The following KLHDC8A variants were observed in gnomAD, a reference collection of about 807,000 sequenced individuals.
KLHDC8A encodes the protein kelch domain containing 8A, also known as kelch domain-containing protein 8A.
Under a neutral mutation model 33.1 loss-of-function variants are expected in KLHDC8A, and 21 were observed. The ratio of observed to expected loss-of-function variants is 0.64; its 90% CI spans 0.45 to 0.91. The LOEUF is 0.91. Ranked by LOEUF, KLHDC8A falls within the 40% of genes least tolerant of loss-of-function variation. The probability of loss-of-function intolerance (pLI) is 0.00; values close to 1 mark genes in which losing one functional copy is unlikely to be tolerated. For missense variants in KLHDC8A, 435 were observed against 483.3 expected, an observed-to-expected ratio of 0.90 and a Z score of 0.94; for synonymous variants, 173 against 193.5, an observed-to-expected ratio of 0.89 and a Z score of 0.88.
rs11240448 is a variant in KLHDC8A at position 205,350,829 on chromosome 1, A to G, written c.-190+5704T>C. Among the ~76,000 whole-genome samples, 23 of 38,020 alleles carry G rather than the reference A, an allele frequency of 6.0e-4. No individual in the cohort carries two copies. In the East Asian group the frequency reaches 0.021, roughly 35 times the overall value. 24.9% of individuals were successfully genotyped at this position (38,020 alleles called of 152,430 possible). The stretch of plus-strand genomic sequence containing the variant: ...TGTGTGCATGTGTGTGTGTGCATGC[A>G]TGTGTGTGCGCGCACGCATGTGTGT... On this transcript the variant is annotated intron_variant, in intron 1 of 5. Transcript: ENST00000367155.
rs1662839731 is a variant in KLHDC8A, at chr1:205,343,275, C to T, written c.330G>A (p.Arg110=). The T allele has an allele frequency of 6.2e-7, 1 of 1,609,746 alleles. No individual in the cohort carries two copies. The highest frequency in any genetic ancestry group is 8.5e-7 in the Non-Finnish European group (1 of 1,177,176). Residue 110 remains arginine, a synonymous_variant, in exon 2 of 6, where the codon AGG becomes AGA. Coordinates refer to ENST00000367155, the MANE Select transcript of KLHDC8A (RefSeq NM_018203.3). ...YNIDEGKWKK[R]SMLREAAMGI... is the part of the protein sequence containing the mutation. ...CCATGGCGGCCTCACGCAGCATGCT[C>T]CTCTTCTTCCACTTGCCCTCATCGA...
chr1:205,349,749 G>T (rs577876071), intron 1 of KLHDC8A, among the ~76,000 whole-genome samples: 1 of 152,308 alleles, frequency 6.6e-6, no homozygotes, highest in East Asian at 1.9e-4. Context: ...ATGAGGTGAG[G>T]TGAGAGGCCA....
At position 205,343,624 on chromosome 1, in the gene KLHDC8A, C is replaced by T; in HGVS notation, c.-20G>A. On this transcript the variant is annotated 5_prime_UTR_variant, in exon 2 of 6. Coordinates refer to ENST00000367155, the MANE Select transcript of KLHDC8A (RefSeq NM_018203.3). Reference sequence around the variant, plus strand: ...CTCCATGGCAGCCTTGGGGAGCGCCCGGGCGCCGGGAGAGGTGCGAGCGCG... The same window carrying T: ...CTCCATGGCAGCCTTGGGGAGCGCCTGGGCGCCGGGAGAGGTGCGAGCGCG... 1 of 1,546,214 alleles carries T rather than the reference C, an allele frequency of 6.5e-7. No homozygotes were observed. The highest frequency in any genetic ancestry group is 8.7e-7 in the Non-Finnish European group (1 of 1,144,408).
Position 205,355,968 on chromosome 1 carries a change from C to T in KLHDC8A, c.-190+565G>A, listed in dbSNP as rs771766282. ...TTAATTTTAGACCCAGGGGCATGTG[C>T]GCAGGTTTGTCACAAGGGTGTATTT... On this transcript the variant is annotated intron_variant, in intron 1 of 5. Coordinates refer to ENST00000367155, the MANE Select transcript of KLHDC8A (RefSeq NM_018203.3). Among the ~76,000 whole-genome samples, 28 of 152,282 alleles carry T rather than the reference C, an allele frequency of 1.8e-4. 1 individual carries two copies. In the Middle Eastern group the frequency reaches 0.01, roughly 55 times the overall value.
At chr1:205,350,820 T>C (rs1318351949) in intron 1 of KLHDC8A, among the ~76,000 whole-genome samples, 1 of 151,948 alleles carries the variant, frequency 6.6e-6, no homozygotes, top group Non-Finnish European at 1.5e-5. Context: ...CATGTGTGTG[T>C]GTGCATGCAT....
chr1:205,338,426 T>G (rs147771161), intron 5 of KLHDC8A, 69 bp downstream of exon 5: 1 of 1,263,094 alleles, frequency 7.9e-7, no homozygotes, highest in East Asian at 2.3e-5. Context: ...TTCCTGCATA[T>G]GCAAAGTGCC....
rs150044939 is a variant in KLHDC8A at position 205,342,740 on chromosome 1, T to C, written c.376+489A>G. On this transcript the variant is annotated intron_variant, in intron 2 of 5. Transcript: ENST00000367155. ...CGGAGCTCTAGGTTCTGGGCTGTAC[T>C]AGGCGTGAAAAGAATGAAATGGGGG... 9.2e-4 allele frequency among the ~76,000 whole-genome samples: 140 copies of C among 152,288 alleles called. 1 individual carries two copies. Among genetic ancestry groups the C allele is most frequent in the Admixed American group, 2.9e-3 (45 of 15,296 alleles).
chr1:205,345,037 A>G (rs1230451916), intron 1 of KLHDC8A, among the ~76,000 whole-genome samples: 1 of 152,140 alleles, frequency 6.6e-6, no homozygotes, highest in Non-Finnish European at 1.5e-5. Flanking sequence ...GCCACTCTCT[A>G]ATACCGTTTA....
chr1:205,339,607 G>A lies in KLHDC8A; in HGVS notation c.541+37C>T. On this transcript the variant is annotated intron_variant, in intron 3 of 5. Coordinates refer to ENST00000367155, the MANE Select transcript of KLHDC8A (RefSeq NM_018203.3). This position sits in a 1 kb window ranked among gnomAD's most constrained non-coding sequence, Gnocchi z 5.1. Reference sequence around the variant, plus strand: ...CCTATGGGAACTGAGCCAAGGGAAGGAAGGAGGGTAGGTATAGAACAGTAA... The same window carrying A: ...CCTATGGGAACTGAGCCAAGGGAAGAAAGGAGGGTAGGTATAGAACAGTAA... 6.2e-7 allele frequency: 1 copy of A among 1,605,020 alleles called. No individual in the cohort carries two copies. Among genetic ancestry groups the A allele is most frequent in the Non-Finnish European group, 8.5e-7 (1 of 1,173,050 alleles).
At chr1:205,340,722 G>A (rs1229983576) in intron 2 of KLHDC8A, among the ~76,000 whole-genome samples, 1 of 152,192 alleles carries the variant, frequency 6.6e-6, no homozygotes, top group Non-Finnish European at 1.5e-5. Context: ...TGATCCACCT[G>A]CCTTGGCCTC....
rs932972457 is a variant in KLHDC8A at position 205,343,355 on chromosome 1, T to A, written c.250A>T (p.Ile84Phe). The change falls in exon 2 of 6, where the codon ATT (isoleucine) becomes TTT (phenylalanine). Residue 84 changes from isoleucine to phenylalanine, a missense_variant. Physicochemically the swap from Ile to Phe is conservative, Grantham distance 21. Coordinates refer to ENST00000367155, the MANE Select transcript of KLHDC8A (RefSeq NM_018203.3). ...VTALGKRIMV[I>F]GGVGTNQLPL... ...AGCTGATTGGTGCCCACGCCCCCAA[T>A]CACCATGATCCGCTTCCCCAGGGCG... 3 of 1,613,598 alleles carry A rather than the reference T, an allele frequency of 1.9e-6. No homozygotes were observed. The highest frequency in any genetic ancestry group is 2.5e-6 in the Non-Finnish European group (3 of 1,179,968).
intron 1 of KLHDC8A, among the ~76,000 whole-genome samples, chr1:205,353,718 T>C (rs1663186215): frequency 6.6e-6 from 1 of 152,012 alleles, no homozygotes; most frequent in Non-Finnish European, 1.5e-5. Flanking sequence ...ACAACGTGCT[T>C]CACACCACCG....
intron 1 of KLHDC8A, among the ~76,000 whole-genome samples, chr1:205,353,224 A>T (rs777401857): frequency 5.3e-5 from 8 of 151,770 alleles, no homozygotes; most frequent in Non-Finnish European, 8.8e-5. Flanking sequence ...CAATTTTTAC[A>T]TTTTTAAATG....
In KLHDC8A at chr1:205,336,132, A is replaced by T. The variant is rs1399883301; in HGVS notation, c.*1267T>A. ...TTATTCATCATTTATTTTAAAAATA[A>T]CTGGGAGTCAGAAACAGATGCTAAG... On this transcript the variant is annotated 3_prime_UTR_variant, in exon 6 of 6. Coordinates refer to ENST00000367155, the MANE Select transcript of KLHDC8A (RefSeq NM_018203.3). 8 of 152,222 alleles carry T rather than the reference A, an allele frequency of 5.3e-5. No homozygotes were observed. The highest frequency in any genetic ancestry group is 7.3e-5 in the Non-Finnish European group (5 of 68,042). 9.4% of individuals were successfully genotyped at this position (152,222 alleles called of 1,614,324 possible). A position where few individuals can be genotyped will look rare whatever the true frequency, so the allele number is the denominator to read the frequency against.
At chr1:205,354,659 G>A (rs1663214009) in intron 1 of KLHDC8A, among the ~76,000 whole-genome samples, 1 of 152,074 alleles carries the variant, frequency 6.6e-6, no homozygotes. Context: ...TTCCTCAGTT[G>A]CTTATAAGTG....
intron 1 of KLHDC8A, among the ~76,000 whole-genome samples, chr1:205,345,609 C>G (rs370853229): frequency 5.9e-5 from 9 of 151,656 alleles, no homozygotes; most frequent in African/African-American, 2.2e-4. Flanking sequence ...GGCATGGTGG[C>G]ATGCACCTGT....
Position 205,351,505 on chromosome 1 carries a change from T to G in KLHDC8A, c.-190+5028A>C, listed in dbSNP as rs528102513. ...AATGGCTGGTCAGCAGAGAAACCCA[T>G]GCTCTCTCTCCATAGGTCCTGTTTT... On this transcript the variant is annotated intron_variant, in intron 1 of 5. Coordinates refer to ENST00000367155, the MANE Select transcript of KLHDC8A (RefSeq NM_018203.3). 664 of 769,706 alleles carry G rather than the reference T, an allele frequency of 8.6e-4. 2 individuals are homozygous for G. Among genetic ancestry groups the G allele is most frequent in the East Asian group, 3.5e-3 (142 of 40,604 alleles). 47.7% of individuals were successfully genotyped at this position (769,706 alleles called of 1,614,324 possible).
chr1:205,343,797 C>CG lies in KLHDC8A; in HGVS notation c.-189-5dup, dbSNP rs890794128. On this transcript the variant is annotated splice_polypyrimidine_tract_variant and splice_region_variant and intron_variant, in intron 1 of 5. Transcript: ENST00000367155. The stretch of plus-strand genomic sequence containing the variant: ...CCGGCGGCGTCCACGCCTGGCCCTG[C>CG]GGGGGGAACGCGGTGAATCAAGGGC... 1.3e-5 allele frequency: 8 copies of CG among 613,162 alleles called. No homozygotes were observed. Among genetic ancestry groups the CG allele is most frequent in the East Asian group, 6.4e-5 (2 of 31,172 alleles). The allele number at this position is 613,162 out of a possible 1,614,324, so 38.0% of individuals were successfully genotyped here.
chr1:205,356,072 C>T (rs931244254), intron 1 of KLHDC8A, among the ~76,000 whole-genome samples: 1 of 152,090 alleles, frequency 6.6e-6, no homozygotes, highest in Non-Finnish European at 1.5e-5. Flanking sequence ...AGTTTCTCAG[C>T]CCTTGTCCCC....
Sources: allele counts gnomAD v4.1 joint callset (sites outside exome capture counted in the v4.1 genomes callset), GRCh38; gene constraint gnomAD v4.1.1; non-coding constraint Gnocchi (gnomAD v3.1); transcripts MANE v1.5; gene names NCBI Gene and HGNC (gene_info 2026-07-23, HGNC 2026-07-21).